The following TRPC1 variants were observed in gnomAD, a reference collection of about 807,000 sequenced individuals.
The protein encoded by TRPC1 is transient receptor potential cation channel subfamily C member 1.
Under a neutral mutation model 88.2 loss-of-function variants are expected in TRPC1, and 42 were observed. That is an observed-to-expected ratio of 0.48 (90% CI 0.37 to 0.62). The LOEUF (loss-of-function observed/expected upper bound fraction) is 0.62. Ranked by LOEUF, TRPC1 falls within the 20% of genes least tolerant of loss-of-function variation. The pLI is 0.00. For synonymous variants in TRPC1, 288 were observed against 331.8 expected (o/e 0.87, Z 1.43); for missense variants, 699 against 957.3 (o/e 0.73, Z 3.56).
At chr3:142,802,461 T>C in intron 10 of TRPC1, 117 bp downstream of exon 10, 1 of 723,144 alleles carries the variant, frequency 1.4e-6, no homozygotes, top group Non-Finnish European at 2.0e-6. Context: ...TCCTTAGTAA[T>C]GTTCATAAAC....
At chr3:142,732,551 G>A (rs181289856) in intron 1 of TRPC1, among the ~76,000 whole-genome samples, 17 of 152,232 alleles carry the variant, frequency 1.1e-4, no homozygotes, top group African/African-American at 4.1e-4. Context: ...CAGAGTCCAG[G>A]AGGAAGATCA....
At chr3:142,756,295 T>C (rs1394539823) in intron 4 of TRPC1, among the ~76,000 whole-genome samples, 1 of 152,190 alleles carries the variant, frequency 6.6e-6, no homozygotes, top group Non-Finnish European at 1.5e-5. Context: ...TTTTAAGTAG[T>C]TGTCAAACTG....
At chr3:142,751,545 A>G (rs1474478936) in intron 4 of TRPC1, among the ~76,000 whole-genome samples, 2 of 152,174 alleles carry the variant, frequency 1.3e-5, no homozygotes, top group Admixed American at 6.5e-5. Flanking sequence ...ATTTCTCAGA[A>G]TATATTCCTG....
At position 142,784,846 on chromosome 3, in the gene TRPC1, A is replaced by G; in HGVS notation, c.1103A>G (p.Tyr368Cys). 1.9e-6 allele frequency: 3 copies of G among 1,614,132 alleles called. No individual in the cohort carries two copies. Among genetic ancestry groups the G allele is most frequent in the Non-Finnish European group, 2.5e-6 (3 of 1,179,996 alleles). ...GIFWPVLSLC[Y>C]LIAPKSQFGR... Reference sequence around the variant, plus strand: ...TTTTGGCCAGTTTTGTCACTTTGTTATTTGATAGCTCCCAAATCTCAGTTT... The same window carrying G: ...TTTTGGCCAGTTTTGTCACTTTGTTGTTTGATAGCTCCCAAATCTCAGTTT... The change falls in exon 7 of 13, where the codon TAT becomes TGT. Residue 368 changes from tyrosine (Y) to cysteine (C), a missense_variant. Tyr to Cys is a radical substitution (Grantham distance 194, BLOSUM62 -2). Coordinates refer to ENST00000476941, the MANE Select transcript of TRPC1 (RefSeq NM_001251845.2).
At chr3:142,750,244 A>T (rs539950819) in intron 4 of TRPC1, among the ~76,000 whole-genome samples, 56 of 152,354 alleles carry the variant, frequency 3.7e-4, no homozygotes, top group Admixed American at 2.5e-3. Context: ...CCCATCAAAA[A>T]GTGGGTGAAG....
intron 1 of TRPC1, among the ~76,000 whole-genome samples, chr3:142,730,552 C>T (rs1386464066): frequency 6.7e-6 from 1 of 149,756 alleles, no homozygotes; most frequent in Non-Finnish European, 1.5e-5. Context: ...ACGAGTTTTG[C>T]ACATTTGATA....
chr3:142,798,195 G>A (rs1355807656), intron 9 of TRPC1, among the ~76,000 whole-genome samples: 1 of 152,022 alleles, frequency 6.6e-6, no homozygotes, highest in Non-Finnish European at 1.5e-5. Flanking sequence ...TATATCCCTT[G>A]TATAGATCAG....
chr3:142,763,495 A>C (rs7623977), intron 4 of TRPC1, among the ~76,000 whole-genome samples: 3 of 151,838 alleles, frequency 2.0e-5, no homozygotes, highest in African/African-American at 7.2e-5. Context: ...CTGATATAAG[A>C]ATAGATACTC....
chr3:142,784,538 C>T (rs952065656), intron 6 of TRPC1, among the ~76,000 whole-genome samples, 166 bp from the exon 7 acceptor site: 2 of 152,150 alleles, frequency 1.3e-5, no homozygotes, highest in African/African-American at 2.4e-5. Context: ...TCCTCTTAAC[C>T]TCTACATGCT....
chr3:142,752,757 A>G (rs185767960), intron 4 of TRPC1, among the ~76,000 whole-genome samples: 16 of 152,344 alleles, frequency 1.1e-4, no homozygotes, highest in African/African-American at 4.8e-5. Context: ...TCCACAGTGC[A>G]TTGTGCCCCT....
intron 9 of TRPC1, chr3:142,793,984 C>A: frequency 1.3e-6 from 1 of 770,178 alleles, no homozygotes; most frequent in Non-Finnish European, 1.6e-6. Context: ...ACACTGTATA[C>A]TGTATACCTC....
At chr3:142,793,770 C>A in intron 9 of TRPC1, 1 of 810,524 alleles carries the variant, frequency 1.2e-6, no homozygotes, top group Non-Finnish European at 1.5e-6. Flanking sequence ...AATTTACTAA[C>A]AATTTAGATT....
At chr3:142,791,234 C>T in intron 8 of TRPC1, 76 bp downstream of exon 8, 1 of 1,333,976 alleles carries the variant, frequency 7.5e-7, no homozygotes, top group South Asian at 1.5e-5. Flanking sequence ...AGCTATGTAA[C>T]TCAGAGTTAC....
chr3:142,801,443 T>C (rs1936618030), intron 9 of TRPC1, among the ~76,000 whole-genome samples: 1 of 152,104 alleles, frequency 6.6e-6, no homozygotes. Context: ...AAAAGTACTA[T>C]CACATTATTC....
intron 4 of TRPC1, among the ~76,000 whole-genome samples, chr3:142,772,327 T>C (rs1289371398): frequency 2.0e-5 from 3 of 152,314 alleles, no homozygotes; most frequent in Admixed American, 2.0e-4. Context: ...GCATCTCTCT[T>C]AGGCTCTGTT....
chr3:142,789,886 G>A (rs1294614193), intron 7 of TRPC1, among the ~76,000 whole-genome samples: 5 of 151,894 alleles, frequency 3.3e-5, no homozygotes, highest in South Asian at 2.1e-4. Context: ...TGGAAACATC[G>A]GTAAATAAAA....
Position 142,781,599 on chromosome 3 carries a change from T to G in TRPC1, c.960+570T>G, listed in dbSNP as rs1935958887. Reference sequence around the variant, plus strand: ...GTTGAATCTGACTTTTCTGGCATCATCCCTTTCTATTAAGAGATATGCCCA... The same window carrying G: ...GTTGAATCTGACTTTTCTGGCATCAGCCCTTTCTATTAAGAGATATGCCCA... On this transcript the variant is annotated intron_variant, in intron 6 of 12. Transcript: ENST00000476941. 2.0e-5 allele frequency among the ~76,000 whole-genome samples: 3 copies of G among 152,256 alleles called. No individual in the cohort carries two copies. In the South Asian group the frequency reaches 6.2e-4, roughly 32 times the overall value.
chr3:142,733,723 T>C (rs556681830), intron 1 of TRPC1, among the ~76,000 whole-genome samples: 3 of 152,232 alleles, frequency 2.0e-5, no homozygotes, highest in Non-Finnish European at 4.4e-5. Flanking sequence ...TCTGAAAACC[T>C]TTCTTCTTCA....
intron 2 of TRPC1, among the ~76,000 whole-genome samples, chr3:142,737,613 A>G (rs1934190488): frequency 6.6e-6 from 1 of 152,084 alleles, no homozygotes; most frequent in Admixed American, 6.6e-5. Context: ...TTTCTAATCC[A>G]TAGAGAATCT....
Sources: gnomAD v4.1 joint callset for allele counts (sites outside exome capture counted in the v4.1 genomes callset) on GRCh38, gnomAD v4.1.1 for gene constraint, MANE v1.5 for transcripts, NCBI Gene and HGNC (gene_info 2026-07-23, HGNC 2026-07-21) for gene names.